The following MCF2L2 variants were observed in gnomAD, a reference collection of about 807,000 sequenced individuals.
MCF2L2 encodes the protein probable guanine nucleotide exchange factor MCF2L2.
Under a neutral mutation model 150.2 loss-of-function variants are expected in MCF2L2, and 102 were observed. The observed-to-expected ratio is 0.68, with a 90% CI of 0.58 to 0.80. The LOEUF is 0.80. Ranked by LOEUF, MCF2L2 falls within the 30% of genes least tolerant of loss-of-function variation. MCF2L2 has a pLI of 0.00. For synonymous variants in MCF2L2, 465 were observed against 491.3 expected (o/e 0.95, Z 0.71); for missense variants, 1,256 against 1,372.8 (o/e 0.91, Z 1.34).
chr3:183,309,679 C>T, intron 10 of MCF2L2, 37 bp downstream of exon 10: 5 of 1,613,742 alleles, frequency 3.1e-6, no homozygotes, highest in Non-Finnish European at 4.2e-6. Flanking sequence ...TCCACAGCAA[C>T]CTCCCTCCCA....
At chr3:183,356,618 C>T (rs1711802803) in intron 3 of MCF2L2, among the ~76,000 whole-genome samples, 2 of 152,166 alleles carry the variant, frequency 1.3e-5, no homozygotes, top group South Asian at 4.1e-4. Context: ...GTCTACTGAC[C>T]TCAATTTCCT....
At chr3:183,427,812 G>T in intron 1 of MCF2L2, 90 bp downstream of exon 1, 1 of 1,127,218 alleles carries the variant, frequency 8.9e-7, no homozygotes, top group Non-Finnish European at 1.3e-6. Context: ...CTGCCCCGGG[G>T]CAGCGGGTGA....
chr3:183,393,360 A>G (rs1002285613), intron 1 of MCF2L2, among the ~76,000 whole-genome samples: 2 of 151,744 alleles, frequency 1.3e-5, no homozygotes, highest in African/African-American at 4.8e-5. Context: ...CGCCCGGCTA[A>G]TTTTGTATTT....
chr3:183,349,807 T>G (rs1328414249), intron 3 of MCF2L2, among the ~76,000 whole-genome samples: 2 of 152,110 alleles, frequency 1.3e-5, no homozygotes, highest in Non-Finnish European at 2.9e-5. Context: ...CCTTCCACTG[T>G]TTTTTTCACA....
intron 15 of MCF2L2, among the ~76,000 whole-genome samples, chr3:183,255,895 T>TG (rs1162108946): frequency 1.4e-4 from 22 of 152,280 alleles, no homozygotes; most frequent in Middle Eastern, 3.4e-3. Flanking sequence ...AAATGGGTCA[T>TG]CTTTTAAAAT....
chr3:183,250,831 G>A lies in MCF2L2; in HGVS notation c.1863-19814C>T, dbSNP rs115492807. Among the ~76,000 whole-genome samples, 601 of 152,288 alleles carry A rather than the reference G, an allele frequency of 3.9e-3. 4 individuals are homozygous for A. Among genetic ancestry groups the A allele is most frequent in the African/African-American group, 0.014 (575 of 41,554 alleles). On this transcript the variant is annotated intron_variant, in intron 15 of 29. Coordinates refer to ENST00000328913, the MANE Select transcript of MCF2L2 (RefSeq NM_015078.4). ...AAACACAGCAGATCCTTTACAGCAC[G>A]ATGACAGGACACAGCATGAGCCTAC...
chr3:183,358,960 A>G (rs1418783765), intron 3 of MCF2L2, among the ~76,000 whole-genome samples: 1 of 151,986 alleles, frequency 6.6e-6, no homozygotes, highest in Non-Finnish European at 1.5e-5. Flanking sequence ...ATGTTAAAAG[A>G]TAAAGCATCT....
intron 25 of MCF2L2, among the ~76,000 whole-genome samples, chr3:183,200,094 A>T (rs1722221863): frequency 6.6e-6 from 1 of 152,162 alleles, no homozygotes; most frequent in African/African-American, 2.4e-5. Flanking sequence ...ATACGTGTGC[A>T]TGTATCTTTA....
chr3:183,378,471 G>C (rs1713322468), intron 3 of MCF2L2: 1 of 152,364 alleles, frequency 6.6e-6, no homozygotes, highest in Non-Finnish European at 1.5e-5. Context: ...GCCCAGGCTG[G>C]AGAGGGTGGA....
chr3:183,338,343 A>T (rs1209753916), intron 5 of MCF2L2, among the ~76,000 whole-genome samples: 1 of 151,400 alleles, frequency 6.6e-6, no homozygotes, highest in Non-Finnish European at 1.5e-5. Context: ...GCTACTTGGC[A>T]GGCTGAGGCA....
chr3:183,278,222 A>G (rs527787386), intron 14 of MCF2L2, among the ~76,000 whole-genome samples: 77 of 149,818 alleles, frequency 5.1e-4, no homozygotes, highest in Non-Finnish European at 9.0e-4. Context: ...TTTTTATTAT[A>G]TTGTTTATTA....
intron 5 of MCF2L2, among the ~76,000 whole-genome samples, chr3:183,335,117 TAA>T (rs762136253): frequency 3.4e-5 from 4 of 118,108 alleles, no homozygotes; most frequent in African/African-American, 8.2e-5. Flanking sequence ...GACTCTGTCT[TAA>T]AAAAAAAAAA....
chr3:183,279,640 C>A (rs528175783), intron 14 of MCF2L2, among the ~76,000 whole-genome samples: 2 of 152,240 alleles, frequency 1.3e-5, no homozygotes, highest in South Asian at 4.1e-4. Context: ...GCCAATCAGG[C>A]GGAACAGCCC....
At chr3:183,249,782 G>T (rs1394007152) in intron 15 of MCF2L2, among the ~76,000 whole-genome samples, 2 of 152,218 alleles carry the variant, frequency 1.3e-5, no homozygotes, top group Non-Finnish European at 2.9e-5. Flanking sequence ...CGTACACAGG[G>T]CCACTGTACT....
intron 25 of MCF2L2, among the ~76,000 whole-genome samples, chr3:183,203,755 T>C (rs1246507509): frequency 1.3e-5 from 2 of 150,748 alleles, no homozygotes; most frequent in Non-Finnish European, 3.0e-5. Flanking sequence ...CTCCAAGAAA[T>C]ATAAATTCAA....
At chr3:183,349,463 T>C (rs913426957) in intron 3 of MCF2L2, among the ~76,000 whole-genome samples, 9 of 152,218 alleles carry the variant, frequency 5.9e-5, no homozygotes, top group Non-Finnish European at 1.0e-4. Context: ...TATATAGAGG[T>C]GGTTGCTTAG....
At chr3:183,412,222 CT>C (rs1171428722) in intron 1 of MCF2L2, among the ~76,000 whole-genome samples, 1 of 152,100 alleles carries the variant, frequency 6.6e-6, no homozygotes, top group Non-Finnish European at 1.5e-5. Context: ...TGTAGAGCCC[CT>C]AGGAGTCAGT....
chr3:183,337,656 T>C (rs1026884988), intron 5 of MCF2L2, among the ~76,000 whole-genome samples: 2 of 152,192 alleles, frequency 1.3e-5, no homozygotes, highest in Non-Finnish European at 1.5e-5. Flanking sequence ...ATTTCACTGA[T>C]TGGGTAGCTA....
intron 3 of MCF2L2, chr3:183,371,988 T>C (rs1218947487): frequency 2.0e-5 from 3 of 151,278 alleles, no homozygotes. Flanking sequence ...GGGAGGTATA[T>C]AGTATTTTTT....
Sources: allele counts gnomAD v4.1 joint callset (sites outside exome capture counted in the v4.1 genomes callset), GRCh38; gene constraint gnomAD v4.1.1; transcripts MANE v1.5; gene names NCBI Gene and HGNC (gene_info 2026-07-23, HGNC 2026-07-21).